Variants in KNTC1 observed in about 807,000 individuals in gnomAD.
The protein encoded by KNTC1 is kinetochore-associated protein 1.
Under a neutral mutation model 314.4 loss-of-function variants are expected in KNTC1, and 253 were observed. The observed-to-expected ratio is 0.80, with a 90% CI of 0.73 to 0.89. KNTC1 has a LOEUF of 0.89. Ranked by LOEUF, KNTC1 falls within the 40% of genes least tolerant of loss-of-function variation. The pLI is 0.00. For missense variants in KNTC1, 2,475 were observed against 2,572.9 expected (o/e 0.96, Z 0.82); for synonymous variants, 901 against 901.4 (o/e 1.00, Z 0.01).
intron 42 of KNTC1, among the ~76,000 whole-genome samples, chr12:122,591,960 G>A (rs1421116712): frequency 6.6e-6 from 1 of 152,210 alleles, no homozygotes; most frequent in Non-Finnish European, 1.5e-5. Context: ...CTGCACTGTG[G>A]GAGCCCCTTT....
Position 122,622,485 on chromosome 12 carries a change from TATC to T in KNTC1, c.6398_6400del (p.Ile2133del). 3 of 1,581,086 alleles carry T rather than the reference TATC, an allele frequency of 1.9e-6. No individual in the cohort carries two copies. Among genetic ancestry groups the T allele is most frequent in the Non-Finnish European group, 2.6e-6 (3 of 1,160,936 alleles). Reference sequence around the variant, plus strand: ...AGATTAGAAGTCTGATTTTGAATAATATCATCAATAAGAAGGAGTTTGGGATTT... The same window carrying T: ...AGATTAGAAGTCTGATTTTGAATAATATCAATAAGAAGGAGTTTGGGATTT... On this transcript the variant is annotated inframe_deletion, in exon 62 of 64. Coordinates refer to ENST00000333479, the MANE Select transcript of KNTC1 (RefSeq NM_014708.6).
Position 122,546,606 on chromosome 12 carries a change from A to T in KNTC1, c.764-16A>T, listed in dbSNP as rs770386653. 25 of 1,525,448 alleles carry T rather than the reference A, an allele frequency of 1.6e-5. No individual in the cohort carries two copies. Among genetic ancestry groups the T allele is most frequent in the Non-Finnish European group, 2.2e-5 (25 of 1,115,280 alleles). 94.5% of individuals were successfully genotyped at this position (1,525,448 alleles called of 1,614,324 possible). On this transcript the variant is annotated splice_polypyrimidine_tract_variant and intron_variant, in intron 9 of 63. Transcript: ENST00000333479. ...TTGAAATAAAATCCTGAGACATCTT[A>T]TTTTCTCTTTTGTAGGTGCAAAGAA... is the stretch of plus-strand genomic sequence containing the variant.
intron 29 of KNTC1, 60 bp from the exon 30 acceptor site, chr12:122,576,835 G>A: frequency 7.2e-7 from 1 of 1,381,316 alleles, no homozygotes; most frequent in East Asian, 2.6e-5. Context: ...TTATAAGCAA[G>A]TGATTTCTTG....
chr12:122,587,649 CAAT>C lies in KNTC1; in HGVS notation c.3731-57_3731-55del, dbSNP rs1167734717. The C allele has an allele frequency of 2.2e-6, 3 of 1,374,582 alleles. No homozygotes were observed. In the African/African-American group the frequency reaches 4.4e-5, roughly 20 times the overall value. 85.1% of individuals were successfully genotyped at this position (1,374,582 alleles called of 1,614,324 possible). On this transcript the variant is annotated intron_variant, in intron 38 of 63. Transcript: ENST00000333479. ...GCAGGCTGTCCCTGAAAACAGTTTTCAATAATATGATCTTTCTTTGTTTAAAAA... is the reference window on the plus strand; with the variant it reads ...GCAGGCTGTCCCTGAAAACAGTTTTCAATATGATCTTTCTTTGTTTAAAAA...
At chr12:122,622,631 A>AG (rs1874564561) in intron 62 of KNTC1, 24 bp downstream of exon 62, 1 of 1,461,052 alleles carries the variant, frequency 6.8e-7, no homozygotes, top group South Asian at 1.3e-5. Context: ...AAAAAAAAAA[A>AG]CTTACTGTGG....
At chr12:122,554,076 A>AAAAAAAAAAAATAT (rs370146333) in intron 16 of KNTC1, among the ~76,000 whole-genome samples, 1 of 109,062 alleles carries the variant, frequency 9.2e-6, no homozygotes, top group African/African-American at 3.9e-5. Context: ...AAAAAAAAAA[A>AAAAAAAAAAAATAT]ATATATATAT....
chr12:122,586,744 C>A lies in KNTC1; in HGVS notation c.3717C>A (p.Cys1239Ter). The A allele has an allele frequency of 6.9e-7, 1 of 1,454,276 alleles. No homozygotes were observed. The highest frequency in any genetic ancestry group is 9.3e-7 in the Non-Finnish European group (1 of 1,080,260). The allele number at this position is 1,454,276 out of a possible 1,614,324, so 90.1% of individuals were successfully genotyped here. A position where few individuals can be genotyped will look rare whatever the true frequency, so the allele number is the denominator to read the frequency against. Residue 1239 changes from cysteine to a stop codon, truncating the protein, a stop_gained, in exon 38 of 64, where the codon TGC becomes TGA. Coordinates refer to ENST00000333479, the MANE Select transcript of KNTC1 (RefSeq NM_014708.6). LOFTEE classifies it high-confidence loss of function. ...TGGAGTCTACCAGTTTGCCATACTG[C>A]TCCCTTAATGAAGGTATTTGGCACA... ...YPLESTSLPY[C>*]SLNEGDGLVL...
chr12:122,609,730 C>G (rs1220597187), intron 52 of KNTC1, among the ~76,000 whole-genome samples: 1 of 152,032 alleles, frequency 6.6e-6, no homozygotes, highest in Non-Finnish European at 1.5e-5. Flanking sequence ...TGGCCCCAGA[C>G]CCTTTTATGT....
chr12:122,585,144 C>T (rs1273709078), intron 36 of KNTC1, among the ~76,000 whole-genome samples, 154 bp downstream of exon 36: 2 of 152,010 alleles, frequency 1.3e-5, no homozygotes, highest in Non-Finnish European at 2.9e-5. Flanking sequence ...AAGCAGTCCT[C>T]CCACCTCAGC....
In KNTC1 at chr12:122,618,408, C is replaced by T. The variant is rs1241928929; in HGVS notation, c.6085+11C>T. ...TACCACTGCTTTCAGGTATTTCGCT[C>T]TCTGAAACATTGGCTACAGCATTTT... On this transcript the variant is annotated intron_variant, in intron 58 of 63. Coordinates refer to ENST00000333479, the MANE Select transcript of KNTC1 (RefSeq NM_014708.6). The T allele has an allele frequency of 1.2e-6, 2 of 1,613,412 alleles. No homozygotes were observed. Among genetic ancestry groups the T allele is most frequent in the East Asian group, 4.5e-5 (2 of 44,884 alleles).
chr12:122,613,878 TTG>T, intron 55 of KNTC1, 117 bp downstream of exon 55: 6 of 1,086,934 alleles, frequency 5.5e-6, no homozygotes, highest in Non-Finnish European at 7.4e-6. Context: ...TTTTGCTCTG[TTG>T]CCCAGGCTGG....
intron 20 of KNTC1, among the ~76,000 whole-genome samples, chr12:122,566,809 T>A (rs1484808247): frequency 1.5e-5 from 2 of 133,904 alleles, no homozygotes; most frequent in African/African-American, 2.8e-5. Flanking sequence ...TCACCCAGGC[T>A]GGAGTGCAGT....
At chr12:122,532,923 CTA>C (rs1346706281) in intron 2 of KNTC1, among the ~76,000 whole-genome samples, 5 of 152,134 alleles carry the variant, frequency 3.3e-5, no homozygotes, top group South Asian at 2.1e-4. Flanking sequence ...CCTTAAGAAA[CTA>C]TGTGTGAGCC....
At chr12:122,600,880 G>A (rs1871786228) in intron 44 of KNTC1, among the ~76,000 whole-genome samples, 1 of 151,956 alleles carries the variant, frequency 6.6e-6, no homozygotes, top group African/African-American at 2.4e-5. Flanking sequence ...TGGCCAGGCT[G>A]GTCTTGAACT....
intron 45 of KNTC1, chr12:122,602,360 T>C (rs955246891): frequency 1.0e-5 from 4 of 397,170 alleles, no homozygotes; most frequent in Non-Finnish European, 1.8e-5. Context: ...ACCAGTGGTT[T>C]CTCCTCATAG....
In KNTC1 at chr12:122,623,727, G is replaced by A. The variant is rs375842310; in HGVS notation, c.6516-871G>A. Among the ~76,000 whole-genome samples the A allele has an allele frequency of 4.0e-4, 61 of 152,120 alleles. 1 individual carries two copies. The South Asian group carries it at 0.011, about 27-fold the overall frequency. ...TGTGATACCCAAATTCATCAGAGTC[G>A]AGGGGCCCAGGGGAAAAGCACTCAG... On this transcript the variant is annotated intron_variant, in intron 62 of 63. Coordinates refer to ENST00000333479, the MANE Select transcript of KNTC1 (RefSeq NM_014708.6).
Position 122,530,178 on chromosome 12 carries a change from A to T in KNTC1, c.115A>T (p.Ile39Phe). 1 of 1,613,348 alleles carries T rather than the reference A, an allele frequency of 6.2e-7. No individual in the cohort carries two copies. Among genetic ancestry groups the T allele is most frequent in the South Asian group, 1.1e-5 (1 of 90,980 alleles). The change falls in exon 2 of 64, where the codon ATC (isoleucine) becomes TTC (phenylalanine). Residue 39 changes from isoleucine to phenylalanine, a missense_variant. Transcript: ENST00000333479. Reference protein sequence around the residue: ...ALYQVDLLVKISSEKASLNPK... With the variant: ...ALYQVDLLVKFSSEKASLNPK... ...ATATCAAGTAGATTTGCTAGTGAAG[A>T]TCTCTTCTGAAAAGGTAGTGATTAT...
Position 122,584,468 on chromosome 12 carries a change from ATACGTAG to A in KNTC1, c.3436+20_3436+26del. The stretch of plus-strand genomic sequence containing the variant: ...CAGTCCAGGTGACAATATTTATAAT[ATACGTAG>A]TTTTATATTCTCTGGTTCATGTCAT... On this transcript the variant is annotated intron_variant, in intron 35 of 63. Transcript: ENST00000333479. 1 of 1,573,624 alleles carries A rather than the reference ATACGTAG, an allele frequency of 6.4e-7. No homozygotes were observed. Among genetic ancestry groups the A allele is most frequent in the Non-Finnish European group, 8.7e-7 (1 of 1,155,420 alleles).
intron 36 of KNTC1, 117 bp from the exon 37 acceptor site, chr12:122,585,519 A>G (rs1869136234): frequency 6.0e-6 from 7 of 1,164,134 alleles, no homozygotes; most frequent in Admixed American, 4.7e-5. Flanking sequence ...CTCCCTCGAC[A>G]TTGTCCTTCT....
Sources: gnomAD v4.1 joint callset for allele counts (sites outside exome capture counted in the v4.1 genomes callset) on GRCh38, gnomAD v4.1.1 for gene constraint, MANE v1.5 for transcripts, NCBI Gene and HGNC (gene_info 2026-07-23, HGNC 2026-07-21) for gene names.